DTNB: variants seen among roughly 807,000 people sequenced by gnomAD.
DTNB encodes the protein dystrobrevin beta.
DTNB carries 63 observed loss-of-function variants against 90.7 expected under a neutral mutation model. That is an observed-to-expected ratio of 0.69 (90% CI 0.57 to 0.86). DTNB has a LOEUF of 0.86. Among genes scored for constraint, DTNB ranks in the 40% least tolerant of loss-of-function variants. The probability of loss-of-function intolerance (pLI) is 0.00; values close to 1 mark genes in which losing one functional copy is unlikely to be tolerated. For missense variants in DTNB, 744 were observed against 807.1 expected, an observed-to-expected ratio of 0.92 and a Z score of 0.95; for synonymous variants, 277 against 286.7, an observed-to-expected ratio of 0.97 and a Z score of 0.34.
intron 8 of DTNB, among the ~76,000 whole-genome samples, chr2:25,558,627 C>T (rs1036050648): frequency 1.2e-4 from 18 of 152,176 alleles, no homozygotes; most frequent in African/African-American, 3.9e-4. Flanking sequence ...TTTATTTGAT[C>T]GCATCCATCT....
chr2:25,602,070 C>T (rs901915357), intron 5 of DTNB, among the ~76,000 whole-genome samples: 4 of 151,146 alleles, frequency 2.6e-5, no homozygotes, highest in Admixed American at 1.3e-4. Flanking sequence ...TGCGGTGAGC[C>T]GAGATCACAC....
intron 12 of DTNB, 21 bp downstream of exon 12, chr2:25,451,527 T>A (rs2059281817): frequency 1.3e-6 from 2 of 1,595,288 alleles, no homozygotes; most frequent in Non-Finnish European, 1.7e-6. Context: ...GCTACTCTCC[T>A]GGGATCCTCC....
At chr2:25,577,774 G>A (rs538229913) in intron 7 of DTNB, among the ~76,000 whole-genome samples, 104 of 152,194 alleles carry the variant, frequency 6.8e-4, no homozygotes, top group Non-Finnish European at 1.3e-3. Context: ...AGGCCGAGGC[G>A]GGCAGATCAC....
At chr2:25,631,577 A>C (rs1407084172) in intron 3 of DTNB, among the ~76,000 whole-genome samples, 1 of 151,620 alleles carries the variant, frequency 6.6e-6, no homozygotes, top group Non-Finnish European at 1.5e-5. Context: ...TGTGGTCAAA[A>C]AAAAAAAAAG....
At chr2:25,563,501 G>GT (rs2058557225) in intron 8 of DTNB, among the ~76,000 whole-genome samples, 1 of 152,042 alleles carries the variant, frequency 6.6e-6, no homozygotes, top group African/African-American at 2.4e-5. Context: ...TGAGCTTTTG[G>GT]TAGTATATTT....
chr2:25,478,729 A>G (rs867479912), intron 10 of DTNB, among the ~76,000 whole-genome samples: 2 of 152,114 alleles, frequency 1.3e-5, no homozygotes, highest in South Asian at 2.1e-4. Flanking sequence ...CTGATGCCAT[A>G]GGTCTAACGG....
chr2:25,630,860 AAAAAAAAG>A (rs2075552870), intron 3 of DTNB, among the ~76,000 whole-genome samples: 2 of 151,122 alleles, frequency 1.3e-5, no homozygotes, highest in South Asian at 4.2e-4. Flanking sequence ...AAAAAAAAAA[AAAAAAAAG>A]GGGATGAAGT....
At chr2:25,594,935 G>A (rs2064283252) in intron 6 of DTNB, 1 of 152,166 alleles carries the variant, frequency 6.6e-6, no homozygotes, top group South Asian at 2.1e-4. Context: ...TCCCAATAAC[G>A]TCCGTTATAG....
chr2:25,410,847 A>G (rs2046406383), intron 16 of DTNB, among the ~76,000 whole-genome samples: 1 of 152,160 alleles, frequency 6.6e-6, no homozygotes, highest in African/African-American at 2.4e-5. Flanking sequence ...GGCCTGTGAC[A>G]CAACCCTCAG....
chr2:25,580,263 G>T (rs1044340383), intron 7 of DTNB, among the ~76,000 whole-genome samples: 12 of 152,026 alleles, frequency 7.9e-5, no homozygotes, highest in Non-Finnish European at 1.5e-4. Context: ...TTACAGGTGT[G>T]AGCCACCATG....
At chr2:25,580,411 C>T (rs1442966878) in intron 7 of DTNB, among the ~76,000 whole-genome samples, 2 of 151,668 alleles carry the variant, frequency 1.3e-5, no homozygotes, top group African/African-American at 4.8e-5. Flanking sequence ...ATCCCAGCTA[C>T]TCGGGAGGCT....
At chr2:25,495,849 A>G (rs1286877767) in intron 9 of DTNB, among the ~76,000 whole-genome samples, 2 of 152,354 alleles carry the variant, frequency 1.3e-5, no homozygotes, top group Admixed American at 6.5e-5. Context: ...ACTTCCGGGA[A>G]GTGCATTTAA....
chr2:25,605,740 G>A (rs1439088032), intron 5 of DTNB, among the ~76,000 whole-genome samples: 1 of 151,828 alleles, frequency 6.6e-6, no homozygotes, highest in Non-Finnish European at 1.5e-5. Flanking sequence ...TCTTTATCTG[G>A]TATCAGCATC....
intron 9 of DTNB, among the ~76,000 whole-genome samples, chr2:25,525,599 G>A (rs1009150905): frequency 1.3e-4 from 20 of 151,302 alleles, no homozygotes; most frequent in Admixed American, 1.3e-3. Context: ...TCGCTCCATT[G>A]CACTCCAGCC....
intron 8 of DTNB, among the ~76,000 whole-genome samples, chr2:25,536,188 C>T (rs538222281): frequency 5.9e-5 from 9 of 151,284 alleles, no homozygotes; most frequent in East Asian, 4.0e-4. Flanking sequence ...GATGGGGTGG[C>T]GGCCGGGCAG....
rs369261809 is a variant in DTNB, at chr2:25,541,305, G to A, written c.877-9708C>T. Among the ~76,000 whole-genome samples, 34 of 151,792 alleles carry A rather than the reference G, an allele frequency of 2.2e-4. No individual in the cohort carries two copies. In the South Asian group the frequency reaches 3.5e-3, roughly 16 times the overall value. On this transcript the variant is annotated intron_variant, in intron 8 of 20. Coordinates refer to ENST00000406818, the MANE Select transcript of DTNB (RefSeq NM_021907.5). ...ACCAGCCTGGTCAACATGGTGAAAC[G>A]CTGTCTCTACTAAAAATACAAAAAA...
At position 25,544,115 on chromosome 2, in the gene DTNB, GC is replaced by G. The variant is rs1450433760; in HGVS notation, c.877-12519del. Among the ~76,000 whole-genome samples the G allele has an allele frequency of 1.2e-4, 19 of 152,330 alleles. No individual in the cohort carries two copies. The East Asian group carries it at 3.7e-3, about 29-fold the overall frequency. ...GAAAGAAACAGGCACCCGCAGCCCA[GC>G]GTGGGGGATGTGGAGTACCACCCTC... On this transcript the variant is annotated intron_variant, in intron 8 of 20. Coordinates refer to ENST00000406818, the MANE Select transcript of DTNB (RefSeq NM_021907.5).
At chr2:25,386,557 C>G (rs2039526399) in intron 18 of DTNB, among the ~76,000 whole-genome samples, 1 of 152,344 alleles carries the variant, frequency 6.6e-6, no homozygotes, top group East Asian at 1.9e-4. Context: ...TAGTGACTCT[C>G]TGGCCCCTAC....
intron 8 of DTNB, among the ~76,000 whole-genome samples, chr2:25,563,027 C>T (rs905185723): frequency 2.0e-5 from 3 of 152,308 alleles, no homozygotes; most frequent in Admixed American, 6.5e-5. Flanking sequence ...GCCTCAGCCT[C>T]CCGAAGTGCT....
Sources: gnomAD v4.1 joint callset for allele counts (sites outside exome capture counted in the v4.1 genomes callset) on GRCh38, gnomAD v4.1.1 for gene constraint, MANE v1.5 for transcripts, NCBI Gene and HGNC (gene_info 2026-07-23, HGNC 2026-07-21) for gene names.